The following PSD3 variants were observed in gnomAD, a reference collection of about 807,000 sequenced individuals.
PSD3 encodes PH and SEC7 domain-containing protein 3.
Under a neutral mutation model 105.5 loss-of-function variants are expected in PSD3, and 49 were observed. The ratio of observed to expected loss-of-function variants is 0.46; its 90% CI spans 0.37 to 0.59. The LOEUF is 0.59. PSD3 is among the 20% of genes least tolerant of loss of function. The pLI is 0.00. For missense variants in PSD3, 1,561 were observed against 1,263.8 expected, an observed-to-expected ratio of 1.24 and a Z score of -3.57; for synonymous variants, 557 against 457.8, an observed-to-expected ratio of 1.22 and a Z score of -2.77.
At position 18,872,339 on chromosome 8, in the gene PSD3, A is replaced by C; in HGVS notation, c.525T>G (p.Thr175=). 1 of 1,614,194 alleles carries C rather than the reference A, an allele frequency of 6.2e-7. No homozygotes were observed. Among genetic ancestry groups the C allele is most frequent in the South Asian group, 1.1e-5 (1 of 91,082 alleles). The change falls in exon 3 of 16, where the codon ACT becomes ACG. Residue 175 remains threonine (T), a synonymous_variant. Coordinates refer to ENST00000327040, the MANE Select transcript of PSD3 (RefSeq NM_015310.4). The part of the protein sequence containing the change: ...SVQQVEKELD[T]ASRKTQRVNK... ...TGACTCTCTGTGTTTTACGACTGGC[A>C]GTGTCCAGCTCTTTTTCCACCTGCT...
At chr8:18,863,645 A>G (rs775701666) in intron 4 of PSD3, among the ~76,000 whole-genome samples, 7 of 152,208 alleles carry the variant, frequency 4.6e-5, no homozygotes, top group Non-Finnish European at 1.0e-4. Flanking sequence ...TGACAATCTA[A>G]TAGTCCATCC....
At chr8:18,826,527 G>C (rs1208780901) in intron 4 of PSD3, among the ~76,000 whole-genome samples, 6 of 152,082 alleles carry the variant, frequency 3.9e-5, no homozygotes, top group Non-Finnish European at 8.8e-5. Context: ...ATGTAAATAA[G>C]ATTATTCCTC....
chr8:19,008,104 A>T (rs1468031733), intron 1 of PSD3, among the ~76,000 whole-genome samples: 1 of 152,184 alleles, frequency 6.6e-6, no homozygotes, highest in Admixed American at 6.5e-5. Context: ...TCGGGCTCCC[A>T]AAGTGCTGGG....
At chr8:18,639,876 C>CA (rs1354215621) in intron 10 of PSD3, among the ~76,000 whole-genome samples, 1 of 152,156 alleles carries the variant, frequency 6.6e-6, no homozygotes, top group Admixed American at 6.5e-5. Flanking sequence ...AAAACTGGGA[C>CA]AACTGTGTCT....
chr8:18,930,474 T>C (rs1253522425), intron 2 of PSD3, among the ~76,000 whole-genome samples: 2 of 152,168 alleles, frequency 1.3e-5, no homozygotes, highest in African/African-American at 2.4e-5. Flanking sequence ...AGTCTTTACA[T>C]TGGCATACGC....
At chr8:19,054,139 G>T (rs1349343793) in intron 1 of PSD3, among the ~76,000 whole-genome samples, 1 of 152,176 alleles carries the variant, frequency 6.6e-6, no homozygotes, top group Non-Finnish European at 1.5e-5. Flanking sequence ...CCTGCCGCGG[G>T]CTTGTTGCCA....
At position 18,599,278 on chromosome 8, in the gene PSD3, G is replaced by C. The variant is rs543367718; in HGVS notation, c.2481+1086C>G. Among the ~76,000 whole-genome samples, 8 of 152,222 alleles carry C rather than the reference G, an allele frequency of 5.3e-5. No individual in the cohort carries two copies. In the Middle Eastern group the frequency reaches 0.01, roughly 194 times the overall value. ...TCAACACATATATGGGGGGAAGCTG[G>C]AACCCTTATGTACTGTTGTTCAGGT... is the stretch of plus-strand genomic sequence containing the variant. On this transcript the variant is annotated intron_variant, in intron 12 of 15. Coordinates refer to ENST00000327040, the MANE Select transcript of PSD3 (RefSeq NM_015310.4).
chr8:18,949,244 A>AAAAAAATATATATATAT (rs1345423514), intron 1 of PSD3, among the ~76,000 whole-genome samples: 1 of 14,404 alleles, frequency 6.9e-5, no homozygotes, highest in Non-Finnish European at 1.8e-4. Context: ...AAAAAAAAAA[A>AAAAAAATATATATATAT]ATATATATAT....
intron 9 of PSD3, among the ~76,000 whole-genome samples, chr8:18,676,656 T>A (rs959201950): frequency 6.6e-6 from 1 of 152,192 alleles, no homozygotes; most frequent in East Asian, 1.9e-4. Context: ...TCACTCGAGA[T>A]AACTATTACA....
intron 9 of PSD3, among the ~76,000 whole-genome samples, chr8:18,662,767 T>C (rs1471124430): frequency 6.6e-6 from 1 of 152,226 alleles, no homozygotes; most frequent in East Asian, 1.9e-4. Flanking sequence ...TGCTCCCTTT[T>C]CCTGTGTTCC....
chr8:18,614,008 T>C (rs539045185), intron 11 of PSD3, among the ~76,000 whole-genome samples: 30 of 152,362 alleles, frequency 2.0e-4, no homozygotes, highest in Non-Finnish European at 2.9e-4. Context: ...GGAACACAAT[T>C]TGGCTTACAG....
intron 10 of PSD3, among the ~76,000 whole-genome samples, chr8:18,643,297 C>T (rs13282941): frequency 0.21 from 32,370 of 152,138 alleles, 3,993 homozygotes; most frequent in Middle Eastern, 0.43. Context: ...GACCTAAGCA[C>T]CTCTTATGAA....
chr8:19,071,144 C>G (rs1829245332), intron 1 of PSD3, among the ~76,000 whole-genome samples: 1 of 151,928 alleles, frequency 6.6e-6, no homozygotes, highest in African/African-American at 2.4e-5. Flanking sequence ...ACTGCAACCT[C>G]CGCCTCCTGG....
intron 1 of PSD3, among the ~76,000 whole-genome samples, chr8:19,039,257 T>A (rs1460958271): frequency 6.6e-6 from 1 of 152,210 alleles, no homozygotes; most frequent in East Asian, 1.9e-4. Context: ...CTGTTTGCCC[T>A]TGAAAATCTT....
intron 2 of PSD3, among the ~76,000 whole-genome samples, chr8:18,900,660 T>C (rs1054486119): frequency 1.3e-5 from 2 of 149,548 alleles, no homozygotes; most frequent in African/African-American, 2.5e-5. Flanking sequence ...TTTTTTTTTT[T>C]TTTTTTGGGA....
intron 10 of PSD3, among the ~76,000 whole-genome samples, chr8:18,655,328 CAAA>C (rs35143136): frequency 0.13 from 12,715 of 100,014 alleles, 976 homozygotes; most frequent in African/African-American, 0.3. Context: ...GACTCCACCT[CAAA>C]AAAAAAAAAA....
intron 9 of PSD3, among the ~76,000 whole-genome samples, chr8:18,678,859 AG>A (rs1800219587): frequency 6.6e-6 from 1 of 152,218 alleles, no homozygotes; most frequent in African/African-American, 2.4e-5. Flanking sequence ...TCAGAGTGCC[AG>A]CCCCTTGTGG....
chr8:18,627,116 T>C (rs1032931770), intron 11 of PSD3, among the ~76,000 whole-genome samples: 1 of 152,006 alleles, frequency 6.6e-6, no homozygotes, highest in Non-Finnish European at 1.5e-5. Context: ...ACAGAAAACA[T>C]TGGATTATAA....
intron 9 of PSD3, chr8:18,683,633 G>A (rs1321815787): frequency 3.4e-6 from 2 of 584,178 alleles, no homozygotes; most frequent in Admixed American, 2.5e-5. Context: ...TCACCTGATC[G>A]CACCTGATTC....
Sources: gnomAD v4.1 joint callset for allele counts (sites outside exome capture counted in the v4.1 genomes callset) on GRCh38, gnomAD v4.1.1 for gene constraint, MANE v1.5 for transcripts, NCBI Gene and HGNC (gene_info 2026-07-23, HGNC 2026-07-21) for gene names.